The following BCLAF1 variants were observed in gnomAD, a reference collection of about 807,000 sequenced individuals.
The protein encoded by BCLAF1 is BCL2 associated transcription factor 1.
A neutral mutation model predicts 99.5 loss-of-function variants in BCLAF1; 10 were observed. That is an observed-to-expected ratio of 0.10 (90% CI 0.06 to 0.17). BCLAF1 has a LOEUF of 0.17. Among genes scored for constraint, BCLAF1 ranks in the 10% least tolerant of loss-of-function variants. The pLI is 1.00. For missense variants in BCLAF1, 636 were observed against 1,105.8 expected (o/e 0.58, Z 6.02); for synonymous variants, 255 against 370.9 (o/e 0.69, Z 3.59).
At chr6:136,261,787 T>G (rs537990818) in intron 11 of BCLAF1, among the ~76,000 whole-genome samples, 1 of 152,124 alleles carries the variant, frequency 6.6e-6, no homozygotes, top group Non-Finnish European at 1.5e-5. Context: ...TTTTATTATG[T>G]CAATCCAAGT....
intron 6 of BCLAF1, chr6:136,273,824 A>C: frequency 2.5e-6 from 1 of 395,666 alleles, no homozygotes; most frequent in Non-Finnish European, 3.6e-6. Flanking sequence ...TAATATCAAT[A>C]CTGATTATTT....
At chr6:136,279,317 G>A (rs1429979019) in intron 3 of BCLAF1, among the ~76,000 whole-genome samples, 1 of 152,070 alleles carries the variant, frequency 6.6e-6, no homozygotes, top group East Asian at 1.9e-4. Context: ...TCTATGCTAA[G>A]TATGTATTAC....
intron 1 of BCLAF1, among the ~76,000 whole-genome samples, chr6:136,287,842 G>A (rs1269791787): frequency 6.6e-6 from 1 of 152,124 alleles, no homozygotes; most frequent in Non-Finnish European, 1.5e-5. Context: ...CCAATATTGT[G>A]AAACTCCGTC....
At position 136,278,675 on chromosome 6, in the gene BCLAF1, C is replaced by T. The variant is rs745696908; in HGVS notation, c.206G>A (p.Arg69Gln). 6.2e-7 allele frequency: 1 copy of T among 1,613,304 alleles called. No homozygotes were observed. Among genetic ancestry groups the T allele is most frequent in the Non-Finnish European group, 8.5e-7 (1 of 1,179,832 alleles). ...RDYRNNRGMR[R>Q]PYGYRGRGRG... ...ACCCCTTCCTCTGTACCCATAAGGT[C>T]GTCTCATTCCTCTATTATTTCTGTA... is the stretch of plus-strand genomic sequence containing the variant. The change falls in exon 4 of 13, where the codon CGA becomes CAA. Residue 69 changes from arginine to glutamine, a missense_variant. Coordinates refer to ENST00000531224, the MANE Select transcript of BCLAF1 (RefSeq NM_014739.3).
At position 136,273,262 on chromosome 6, in the gene BCLAF1, T is replaced by A. The variant is rs980797161; in HGVS notation, c.1853-75A>T. On this transcript the variant is annotated intron_variant, in intron 6 of 12. Transcript: ENST00000531224. ...GAGATTTGTTTGTGACAGAAGGGCA[T>A]GTAGCAGGTGAAAAGAAAATAAAAA... 2.3e-5 allele frequency: 29 copies of A among 1,235,030 alleles called. 1 individual carries two copies. The highest frequency in any genetic ancestry group is 1.7e-4 in the Admixed American group (8 of 47,052). 76.5% of individuals were successfully genotyped at this position (1,235,030 alleles called of 1,614,324 possible).
rs1320988519 is a variant in BCLAF1 at position 136,259,824 on chromosome 6, TCTA to T, written c.*1283_*1285del. On this transcript the variant is annotated 3_prime_UTR_variant, in exon 13 of 13. Coordinates refer to ENST00000531224, the MANE Select transcript of BCLAF1 (RefSeq NM_014739.3). ...CAACTAAATTAACAAATGAAATGTG[TCTA>T]CTTTTATATATGCCCATAAAGCAGA... The T allele has an allele frequency of 1.3e-5, 2 of 152,178 alleles. No homozygotes were observed. Among genetic ancestry groups the T allele is most frequent in the South Asian group, 4.1e-4 (2 of 4,834 alleles). The allele number at this position is 152,178 out of a possible 1,614,324, so 9.4% of individuals were successfully genotyped here.
intron 2 of BCLAF1, among the ~76,000 whole-genome samples, chr6:136,281,286 C>T (rs376454870): frequency 1.3e-5 from 2 of 152,112 alleles, no homozygotes; most frequent in Admixed American, 6.5e-5. Flanking sequence ...AAGAATTCCA[C>T]AACACATAAG....
At chr6:136,287,474 T>C (rs1478232169) in intron 1 of BCLAF1, among the ~76,000 whole-genome samples, 1 of 152,188 alleles carries the variant, frequency 6.6e-6, no homozygotes, top group Non-Finnish European at 1.5e-5. Context: ...TACCTGAGTA[T>C]AAACAATTAA....
intron 6 of BCLAF1, among the ~76,000 whole-genome samples, chr6:136,274,574 C>T (rs1041936819): frequency 3.9e-5 from 6 of 151,988 alleles, no homozygotes; most frequent in Admixed American, 2.0e-4. Flanking sequence ...GATGTATCAA[C>T]TGCATAAAGA....
At chr6:136,281,517 C>G (rs1215492942) in intron 2 of BCLAF1, among the ~76,000 whole-genome samples, 1 of 152,148 alleles carries the variant, frequency 6.6e-6, no homozygotes, top group Non-Finnish European at 1.5e-5. Flanking sequence ...ACGTAATTTA[C>G]ATTCATTCTG....
intron 4 of BCLAF1, among the ~76,000 whole-genome samples, chr6:136,277,468 G>GT (rs1484348137): frequency 3.3e-5 from 5 of 152,176 alleles, no homozygotes; most frequent in Non-Finnish European, 5.9e-5. Context: ...CTCCTCATCT[G>GT]TATTTTTAAT....
At chr6:136,262,308 C>G (rs1781115876) in intron 11 of BCLAF1, among the ~76,000 whole-genome samples, 1 of 152,090 alleles carries the variant, frequency 6.6e-6, no homozygotes, top group South Asian at 2.1e-4. Flanking sequence ...TTAACTTTGT[C>G]ACCCACAAAA....
chr6:136,257,592 T>C lies in BCLAF1; in HGVS notation c.*3518A>G, dbSNP rs550248287. 1.3e-5 allele frequency: 2 copies of C among 152,336 alleles called. No homozygotes were observed. The highest frequency in any genetic ancestry group is 4.1e-4 in the South Asian group (2 of 4,832). 9.4% of individuals were successfully genotyped at this position (152,336 alleles called of 1,614,324 possible). ...ATTAGGACAGTGTACTAATTTTTAG[T>C]ATCTACCCCAATAAAATTTGAAACA... On this transcript the variant is annotated 3_prime_UTR_variant, in exon 13 of 13. Transcript: ENST00000531224.
Position 136,256,965 on chromosome 6 carries a change from A to G in BCLAF1, c.*4145T>C, listed in dbSNP as rs896823628. 6.6e-6 allele frequency: 1 copy of G among 152,212 alleles called. No individual in the cohort carries two copies. The highest frequency in any genetic ancestry group is 2.4e-5 in the African/African-American group (1 of 41,462). The allele number at this position is 152,212 out of a possible 1,614,324, so 9.4% of individuals were successfully genotyped here. On this transcript the variant is annotated 3_prime_UTR_variant, in exon 13 of 13. Coordinates refer to ENST00000531224, the MANE Select transcript of BCLAF1 (RefSeq NM_014739.3). Reference sequence around the variant, plus strand: ...AAACACAGTTCAAGCTGTGATTATAAATCATTTCACACCACCTAAACATAC... The same window carrying G: ...AAACACAGTTCAAGCTGTGATTATAGATCATTTCACACCACCTAAACATAC...
At chr6:136,284,128 G>GTATATA (rs1242722909) in intron 1 of BCLAF1, among the ~76,000 whole-genome samples, 954 of 81,238 alleles carry the variant, frequency 0.012, 15 homozygotes, top group African/African-American at 0.041. Context: ...GTGTGTGTGT[G>GTATATA]TGTATATATA....
At chr6:136,274,820 G>A (rs973953578) in intron 6 of BCLAF1, among the ~76,000 whole-genome samples, 1 of 151,262 alleles carries the variant, frequency 6.6e-6, no homozygotes, top group African/African-American at 2.4e-5. Context: ...TAGTAACTCT[G>A]CAACTATAAT....
Position 136,259,263 on chromosome 6 carries a change from G to C in BCLAF1, c.*1847C>G, listed in dbSNP as rs1158478639. 6.6e-6 allele frequency: 1 copy of C among 152,014 alleles called. No individual in the cohort carries two copies. The highest frequency in any genetic ancestry group is 1.5e-5 in the Non-Finnish European group (1 of 67,882). The allele number at this position is 152,014 out of a possible 1,614,324, so 9.4% of individuals were successfully genotyped here. A position where few individuals can be genotyped will look rare whatever the true frequency, so the allele number is the denominator to read the frequency against. ...ATAACCTGCCCACAGGAATTAAGTA[G>C]TTTTATTCCCACTCCCTATTACATA... is the stretch of plus-strand genomic sequence containing the variant. On this transcript the variant is annotated 3_prime_UTR_variant, in exon 13 of 13. Transcript: ENST00000531224.
At chr6:136,280,810 AG>A (rs1784291598) in intron 2 of BCLAF1, among the ~76,000 whole-genome samples, 1 of 140,086 alleles carries the variant, frequency 7.1e-6, no homozygotes, top group African/African-American at 3.1e-5. Flanking sequence ...TTCAATGATT[AG>A]ATTATATCTT....
rs1780524837 is a variant in BCLAF1 at position 136,257,273 on chromosome 6, T to C, written c.*3837A>G. 6.6e-6 allele frequency: 1 copy of C among 152,216 alleles called. No individual in the cohort carries two copies. Among genetic ancestry groups the C allele is most frequent in the South Asian group, 2.1e-4 (1 of 4,832 alleles). 9.4% of individuals were successfully genotyped at this position (152,216 alleles called of 1,614,324 possible). On this transcript the variant is annotated 3_prime_UTR_variant, in exon 13 of 13. Transcript: ENST00000531224. ...AGACACATTATTTGAATGTTTCTAG[T>C]TGTGGTGGAATGCTATCCTAATAAT...
Sources: gnomAD v4.1 joint callset for allele counts (sites outside exome capture counted in the v4.1 genomes callset) on GRCh38, gnomAD v4.1.1 for gene constraint, MANE v1.5 for transcripts, NCBI Gene and HGNC (gene_info 2026-07-23, HGNC 2026-07-21) for gene names.